Variants in SDCCAG8 observed in about 807,000 individuals in gnomAD.
SDCCAG8 encodes the protein serologically defined colon cancer antigen 8.
In SDCCAG8, 74 loss-of-function variants were observed where a neutral mutation model predicts 101.8. That is an observed-to-expected ratio of 0.73 (90% confidence interval 0.60 to 0.88). SDCCAG8 has a LOEUF of 0.88. Ranked by LOEUF, SDCCAG8 falls within the 40% of genes least tolerant of loss-of-function variation. The pLI is 0.00. For synonymous variants in SDCCAG8, 281 were observed against 292.9 expected (o/e 0.96, Z 0.41); for missense variants, 787 against 822.6 (o/e 0.96, Z 0.53).
chr1:243,429,952 C>T (rs2081608781), intron 16 of SDCCAG8, among the ~76,000 whole-genome samples: 1 of 152,046 alleles, frequency 6.6e-6, no homozygotes, highest in Non-Finnish European at 1.5e-5. Flanking sequence ...ATCCGCCTAC[C>T]TCGGCGTCCT....
At chr1:243,288,082 G>C (rs577622693) in intron 5 of SDCCAG8, among the ~76,000 whole-genome samples, 2 of 152,184 alleles carry the variant, frequency 1.3e-5, no homozygotes, top group Admixed American at 1.3e-4. Flanking sequence ...AGATATGCCA[G>C]ATGACCTTGA....
intron 8 of SDCCAG8, among the ~76,000 whole-genome samples, chr1:243,310,163 G>A (rs944116038): frequency 6.6e-6 from 1 of 151,856 alleles, no homozygotes; most frequent in Non-Finnish European, 1.5e-5. Context: ...CGCCCGGCCC[G>A]ACTGGTAGTT....
intron 16 of SDCCAG8, among the ~76,000 whole-genome samples, chr1:243,427,570 C>G (rs1238030844): frequency 1.3e-5 from 2 of 152,202 alleles, no homozygotes; most frequent in African/African-American, 4.8e-5. Context: ...ACACCATTTC[C>G]CAGCCATCCA....
chr1:243,374,238 A>G (rs1177887993), intron 12 of SDCCAG8, among the ~76,000 whole-genome samples: 1 of 152,050 alleles, frequency 6.6e-6, no homozygotes, highest in Non-Finnish European at 1.5e-5. Context: ...CAATCCAACA[A>G]CTAATGTCCT....
chr1:243,307,061 GT>G (rs576037723), intron 7 of SDCCAG8, among the ~76,000 whole-genome samples: 185 of 135,334 alleles, frequency 1.4e-3, no homozygotes, highest in Non-Finnish European at 1.5e-3. Flanking sequence ...GTTTTTTTTT[GT>G]TTTTTTTTTT....
intron 13 of SDCCAG8, among the ~76,000 whole-genome samples, chr1:243,402,361 CG>C (rs2079459112): frequency 7.0e-6 from 1 of 143,274 alleles, no homozygotes. Flanking sequence ...ACCCGGGAGG[CG>C]GAGGTTGCGG....
intron 16 of SDCCAG8, among the ~76,000 whole-genome samples, chr1:243,429,944 C>T (rs2081607801): frequency 6.6e-6 from 1 of 151,966 alleles, no homozygotes; most frequent in South Asian, 2.1e-4. Flanking sequence ...CTGAGGTGAT[C>T]CGCCTACCTC....
At chr1:243,332,132 G>A (rs1017351521) in intron 10 of SDCCAG8, among the ~76,000 whole-genome samples, 1 of 152,202 alleles carries the variant, frequency 6.6e-6, no homozygotes, top group Non-Finnish European at 1.5e-5. Context: ...GACCTGGAAA[G>A]CATCGCACTT....
intron 17 of SDCCAG8, among the ~76,000 whole-genome samples, chr1:243,492,502 C>T (rs1385794764): frequency 1.3e-5 from 2 of 151,224 alleles, no homozygotes; most frequent in Non-Finnish European, 2.9e-5. Context: ...CGGGGTTTCG[C>T]CATGTTGGCC....
intron 16 of SDCCAG8, among the ~76,000 whole-genome samples, chr1:243,477,469 A>G (rs1662669118): frequency 6.6e-6 from 1 of 152,194 alleles, no homozygotes; most frequent in Non-Finnish European, 1.5e-5. Context: ...CTCCTGTTTC[A>G]TGGTGTCAGG....
At chr1:243,320,416 C>A (rs1170888760) in intron 9 of SDCCAG8, among the ~76,000 whole-genome samples, 1 of 152,198 alleles carries the variant, frequency 6.6e-6, no homozygotes, top group Non-Finnish European at 1.5e-5. Flanking sequence ...TCAAGACAGT[C>A]TCCACATTCT....
chr1:243,430,816 AGAG>A (rs2081697059), intron 16 of SDCCAG8, among the ~76,000 whole-genome samples: 5 of 152,198 alleles, frequency 3.3e-5, no homozygotes, highest in South Asian at 2.1e-4. Flanking sequence ...TTTAAAAAAT[AGAG>A]GAGATGTGAT....
Position 243,330,659 on chromosome 1 carries a change from A to G in SDCCAG8, c.1188A>G (p.Glu396=), listed in dbSNP as rs755546593. ...RAIEKDMMKK[E]ITKEREYMGS... is the part of the protein sequence containing the mutation. The stretch of plus-strand genomic sequence containing the variant: ...TTGAGAAAGACATGATGAAAAAGGA[A>G]ATAACGAAAGAAAGGGAGTACATGG... Residue 396 remains glutamate, a synonymous_variant, in exon 10 of 18, where the codon GAA becomes GAG. Coordinates refer to ENST00000366541, the MANE Select transcript of SDCCAG8 (RefSeq NM_006642.5). The G allele has an allele frequency of 6.2e-7, 1 of 1,614,154 alleles. No homozygotes were observed. The highest frequency in any genetic ancestry group is 8.5e-7 in the Non-Finnish European group (1 of 1,180,020).
At chr1:243,404,650 G>C (rs2079631342) in intron 13 of SDCCAG8, among the ~76,000 whole-genome samples, 1 of 152,078 alleles carries the variant, frequency 6.6e-6, no homozygotes, top group Non-Finnish European at 1.5e-5. Flanking sequence ...TGTGTGCAAA[G>C]ACGGAGAGGT....
chr1:243,327,735 A>G (rs1394717835), intron 9 of SDCCAG8, among the ~76,000 whole-genome samples: 1 of 152,166 alleles, frequency 6.6e-6, no homozygotes, highest in African/African-American at 2.4e-5. Context: ...ACTAGACCCA[A>G]ATCTTTTAGT....
intron 13 of SDCCAG8, among the ~76,000 whole-genome samples, chr1:243,396,227 G>T (rs2079024097): frequency 6.6e-6 from 1 of 152,066 alleles, no homozygotes; most frequent in Non-Finnish European, 1.5e-5. Context: ...AGCTATAGAT[G>T]CCACAAAATA....
At position 243,406,215 on chromosome 1, in the gene SDCCAG8, G is replaced by A. The variant is rs568694892; in HGVS notation, c.1617-9487G>A. ...AAGATACAAAGGCAAAATCATGATC[G>A]AATTTATTTTAGGTAATAGCATATT... On this transcript the variant is annotated intron_variant, in intron 13 of 17. Transcript: ENST00000366541. Among the ~76,000 whole-genome samples, 12 of 152,278 alleles carry A rather than the reference G, an allele frequency of 7.9e-5. No individual in the cohort carries two copies. In the East Asian group the frequency reaches 1.9e-3, roughly 24 times the overall value.
At chr1:243,299,525 T>A (rs2149306932) in intron 6 of SDCCAG8, among the ~76,000 whole-genome samples, 2 of 152,200 alleles carry the variant, frequency 1.3e-5, no homozygotes, top group South Asian at 4.1e-4. Context: ...GCTATTCTCC[T>A]GTCTCAGCCT....
chr1:243,370,496 G>C (rs1389103018), intron 12 of SDCCAG8, among the ~76,000 whole-genome samples: 1 of 152,098 alleles, frequency 6.6e-6, no homozygotes, highest in African/African-American at 2.4e-5. Flanking sequence ...ACTGACCGCA[G>C]AGTTGTAATG....
Sources: gnomAD v4.1 joint callset for allele counts (sites outside exome capture counted in the v4.1 genomes callset) on GRCh38, gnomAD v4.1.1 for gene constraint, MANE v1.5 for transcripts, NCBI Gene and HGNC (gene_info 2026-07-23, HGNC 2026-07-21) for gene names.